Variants in CEP83 observed in about 807,000 individuals in gnomAD.
CEP83 encodes centrosomal protein 83.
CEP83 carries 70 observed loss-of-function variants against 101.9 expected under a neutral mutation model. The ratio of observed to expected loss-of-function variants is 0.69; its 90% CI spans 0.57 to 0.84. CEP83 has a LOEUF of 0.84. CEP83 is among the 40% of genes least tolerant of loss of function. The pLI, the probability that CEP83 is intolerant of heterozygous loss-of-function variation, is 0.00. For missense variants in CEP83, 715 were observed against 787.2 expected (o/e 0.91, Z 1.10); for synonymous variants, 264 against 267.9 (o/e 0.99, Z 0.14).
Position 94,406,411 on chromosome 12 carries a change from T to TA in CEP83, c.325-3150dup, listed in dbSNP as rs950339935. ...TTTTAAAAACAAAGTTCACAGTATC[T>TA]AACATCCAATAAAAATTTACCAGGC... On this transcript the variant is annotated intron_variant, in intron 4 of 16. Coordinates refer to ENST00000397809, the MANE Select transcript of CEP83 (RefSeq NM_016122.3). Among the ~76,000 whole-genome samples the TA allele has an allele frequency of 2.8e-4, 43 of 151,624 alleles. 1 individual carries two copies. The highest frequency in any genetic ancestry group is 6.6e-5 in the Admixed American group (1 of 15,200).
intron 1 of CEP83, among the ~76,000 whole-genome samples, chr12:94,458,570 C>G (rs2067880045): frequency 2.6e-5 from 4 of 151,988 alleles, no homozygotes; most frequent in Admixed American, 2.6e-4. Context: ...GAAACCCCAT[C>G]TCTACTAAAA....
At chr12:94,339,646 T>C (rs980294990) in intron 11 of CEP83, among the ~76,000 whole-genome samples, 3 of 152,310 alleles carry the variant, frequency 2.0e-5, no homozygotes, top group East Asian at 1.9e-4. Flanking sequence ...ACAATAGAAG[T>C]TGTATTTTTC....
the CEP83 span, among the ~76,000 whole-genome samples, chr12:94,291,017 T>C: frequency 0.015 from 2,247 of 152,234 alleles, 23 homozygotes; most frequent in Non-Finnish European, 0.023. Flanking sequence ...GGCATCTTTG[T>C]CCCCCTTTGC....
At chr12:94,376,406 G>T (rs141170863) in intron 7 of CEP83, among the ~76,000 whole-genome samples, 14 of 151,988 alleles carry the variant, frequency 9.2e-5, no homozygotes, top group Admixed American at 3.3e-4. Flanking sequence ...AGAAGACAGG[G>T]CTCATTGATA....
rs557969689 is a variant in CEP83 at position 94,365,556 on chromosome 12, A to G, written c.1343+2238T>C. 2.0e-5 allele frequency among the ~76,000 whole-genome samples: 3 copies of G among 152,290 alleles called. No homozygotes were observed. In the East Asian group the frequency reaches 5.8e-4, roughly 29 times the overall value. On this transcript the variant is annotated intron_variant, in intron 11 of 16. Coordinates refer to ENST00000397809, the MANE Select transcript of CEP83 (RefSeq NM_016122.3). Reference sequence around the variant, plus strand: ...AGGCCGAGGTGGGCAGATCACCCGAAGCCAGAAGTTTGACAGCAGCCTGGC... The same window carrying G: ...AGGCCGAGGTGGGCAGATCACCCGAGGCCAGAAGTTTGACAGCAGCCTGGC...
At chr12:94,416,166 C>T (rs998920074) in intron 2 of CEP83, among the ~76,000 whole-genome samples, 5 of 151,972 alleles carry the variant, frequency 3.3e-5, no homozygotes, top group Non-Finnish European at 7.4e-5. Flanking sequence ...ATTGATACTC[C>T]ATTTTAAAAC....
intron 2 of CEP83, chr12:94,434,033 G>A (rs1018333043): frequency 2.6e-5 from 4 of 152,210 alleles, no homozygotes; most frequent in South Asian, 4.1e-4. Flanking sequence ...ATAAGCAGAG[G>A]GGCAAACTCT....
chr12:94,347,082 C>T (rs1262160767), intron 11 of CEP83, among the ~76,000 whole-genome samples: 5 of 139,200 alleles, frequency 3.6e-5, no homozygotes, highest in African/African-American at 1.3e-4. Flanking sequence ...CATACACACA[C>T]ACACACACAC....
chr12:94,338,391 G>GA (rs1283540392), intron 11 of CEP83, among the ~76,000 whole-genome samples: 4 of 151,982 alleles, frequency 2.6e-5, no homozygotes, highest in African/African-American at 7.2e-5. Flanking sequence ...AAATATCAAA[G>GA]AAAAAAATCA....
intron 2 of CEP83, among the ~76,000 whole-genome samples, chr12:94,434,262 A>C (rs553869341): frequency 4.1e-4 from 62 of 152,326 alleles, no homozygotes; most frequent in Non-Finnish European, 6.5e-4. Flanking sequence ...GAGATACACA[A>C]TCTATTAGGA....
the CEP83 span, among the ~76,000 whole-genome samples, chr12:94,283,196 T>C: frequency 2.6e-5 from 4 of 152,110 alleles, no homozygotes; most frequent in Non-Finnish European, 5.9e-5. Context: ...ACCTTGCGTG[T>C]AGTAGTGCTG....
intron 11 of CEP83, among the ~76,000 whole-genome samples, chr12:94,362,827 T>A (rs939083796): frequency 6.6e-6 from 1 of 152,212 alleles, no homozygotes; most frequent in African/African-American, 2.4e-5. Flanking sequence ...ATGTGGCATA[T>A]ATAAACAATG....
At chr12:94,398,192 T>C (rs4761613) in intron 6 of CEP83, among the ~76,000 whole-genome samples, 44,166 of 152,098 alleles carry the variant, frequency 0.29, 6,769 homozygotes, top group Non-Finnish European at 0.35. Context: ...GGGCATTTTG[T>C]AAATGTTATG....
chr12:94,438,342 G>A (rs2066151157), intron 1 of CEP83, among the ~76,000 whole-genome samples: 1 of 151,944 alleles, frequency 6.6e-6, no homozygotes, highest in South Asian at 2.1e-4. Flanking sequence ...AAGGTAAAGG[G>A]GTGGAAAAAG....
intron 1 of CEP83, among the ~76,000 whole-genome samples, chr12:94,439,639 T>G (rs1357996250): frequency 1.3e-5 from 2 of 151,580 alleles, no homozygotes; most frequent in African/African-American, 4.8e-5. Context: ...TGAATCCTAC[T>G]GAAGCTATTC....
intron 11 of CEP83, among the ~76,000 whole-genome samples, chr12:94,340,955 C>G (rs2059659035): frequency 6.6e-6 from 1 of 152,226 alleles, no homozygotes; most frequent in Non-Finnish European, 1.5e-5. Flanking sequence ...TCCCTGAAAC[C>G]AGCAAAACCC....
Position 94,379,011 on chromosome 12 carries a change from A to G in CEP83, c.581T>C (p.Leu194Pro), listed in dbSNP as rs765908199. 10 of 1,611,390 alleles carry G rather than the reference A, an allele frequency of 6.2e-6. No homozygotes were observed. The highest frequency in any genetic ancestry group is 1.1e-5 in the South Asian group (1 of 90,828). ...ATCAACATTAAGCAGCTGGTTACGT[A>G]GTTCTTCTTTATCTTCCTCCAGTCT... ...IARLEEDKEE[L>P]RNQLLNVDLT... is the part of the protein sequence containing the mutation. The change falls in exon 7 of 17, where the codon CTA becomes CCA. Residue 194 changes from leucine (L) to proline (P), a missense_variant. Physicochemically the swap from Leu to Pro is moderately conservative, Grantham distance 98. Coordinates refer to ENST00000397809, the MANE Select transcript of CEP83 (RefSeq NM_016122.3).
At chr12:94,343,470 C>CTTTTTTTTTTTTTTTTTTTTTT (rs1161481202) in intron 11 of CEP83, among the ~76,000 whole-genome samples, 1 of 84,168 alleles carries the variant, frequency 1.2e-5, no homozygotes, top group African/African-American at 5.2e-5. Context: ...TAGAAATTAA[C>CTTTTTTTTTTTTTTTTTTTTTT]TTTTTTTTTT....
intron 9 of CEP83, chr12:94,369,615 G>A (rs1298019015): frequency 5.3e-6 from 1 of 188,556 alleles, no homozygotes; most frequent in African/African-American, 2.4e-5. Context: ...AAATGTCCTG[G>A]GACTAATAAC....
Sources: gnomAD v4.1 joint callset for allele counts (sites outside exome capture counted in the v4.1 genomes callset) on GRCh38, gnomAD v4.1.1 for gene constraint, MANE v1.5 for transcripts, NCBI Gene and HGNC (gene_info 2026-07-23, HGNC 2026-07-21) for gene names.